ROBO2: variants seen among roughly 807,000 people sequenced by gnomAD.
ROBO2 encodes the protein roundabout homolog 2.
A neutral mutation model predicts 160.8 loss-of-function variants in ROBO2; 53 were observed. That is an observed-to-expected ratio of 0.33 (90% CI 0.26 to 0.41). The LOEUF (loss-of-function observed/expected upper bound fraction) is 0.41. ROBO2 is among the 10% of genes least tolerant of loss of function. The probability of loss-of-function intolerance (pLI) is 1.00; values close to 1 mark genes in which losing one functional copy is unlikely to be tolerated. For synonymous variants in ROBO2, 664 were observed against 611.7 expected, an observed-to-expected ratio of 1.09 and a Z score of -1.26; for missense variants, 1,577 against 1,722.4, an observed-to-expected ratio of 0.92 and a Z score of 1.49.
chr3:76,303,169 T>A (rs1242559524), intron 2 of ROBO2, among the ~76,000 whole-genome samples: 1 of 152,122 alleles, frequency 6.6e-6, no homozygotes, highest in Non-Finnish European at 1.5e-5. Flanking sequence ...TTTCAAGGCT[T>A]ATTCTCTATC....
At chr3:76,683,601 C>G (rs899437478) in intron 2 of ROBO2, among the ~76,000 whole-genome samples, 1 of 151,928 alleles carries the variant, frequency 6.6e-6, no homozygotes, top group Admixed American at 6.6e-5. Flanking sequence ...TACGTTACAT[C>G]TTCTATAATC....
chr3:76,791,676 C>A (rs992739635), intron 2 of ROBO2, among the ~76,000 whole-genome samples: 3 of 151,710 alleles, frequency 2.0e-5, no homozygotes, highest in Non-Finnish European at 4.4e-5. Flanking sequence ...AACCAACCAA[C>A]TAAGCTGCTC....
intron 2 of ROBO2, among the ~76,000 whole-genome samples, chr3:76,303,316 T>C (rs1021482353): frequency 2.0e-5 from 3 of 152,102 alleles, no homozygotes; most frequent in Non-Finnish European, 4.4e-5. Flanking sequence ...AAAAATATAT[T>C]CATTTTAAAA....
intron 2 of ROBO2, among the ~76,000 whole-genome samples, chr3:76,581,138 A>G (rs142767733): frequency 6.6e-6 from 1 of 152,334 alleles, no homozygotes; most frequent in East Asian, 1.9e-4. Context: ...AATTTACAAT[A>G]TAATATAAAT....
At chr3:77,515,138 G>A (rs1045769799) in intron 5 of ROBO2, among the ~76,000 whole-genome samples, 27 of 151,668 alleles carry the variant, frequency 1.8e-4, no homozygotes, top group African/African-American at 6.0e-4. Context: ...TTGCAGATAG[G>A]AGTTAATCTG....
rs550300339 is a variant in ROBO2, at chr3:76,588,938, A to C, written c.110-509076A>C. On this transcript the variant is annotated intron_variant, in intron 2 of 26. Coordinates refer to the ROBO2 transcript ENST00000487694. ...CTGACAGATGTTGGAGTTTCAAGCTATCTGAGCACAGTTTCTAATACTTAG... is the reference window on the plus strand; with the variant it reads ...CTGACAGATGTTGGAGTTTCAAGCTCTCTGAGCACAGTTTCTAATACTTAG... Among the ~76,000 whole-genome samples the C allele has an allele frequency of 9.2e-5, 14 of 152,342 alleles. No homozygotes were observed. In the South Asian group the frequency reaches 2.5e-3, roughly 27 times the overall value.
At chr3:76,557,769 T>A (rs1051339937) in intron 2 of ROBO2, among the ~76,000 whole-genome samples, 1 of 151,852 alleles carries the variant, frequency 6.6e-6, no homozygotes, top group African/African-American at 2.4e-5. Flanking sequence ...TAGAACTCAG[T>A]TCCCCTTCCG....
chr3:77,187,824 T>G (rs2081416919), intron 2 of ROBO2, among the ~76,000 whole-genome samples: 1 of 151,950 alleles, frequency 6.6e-6, no homozygotes, highest in Non-Finnish European at 1.5e-5. Flanking sequence ...ATATTTGTAT[T>G]TTCTTTCATC....
At chr3:76,230,906 A>G (rs1559666161) in intron 2 of ROBO2, among the ~76,000 whole-genome samples, 1 of 152,208 alleles carries the variant, frequency 6.6e-6, no homozygotes, top group Non-Finnish European at 1.5e-5. Flanking sequence ...TTGTATATCA[A>G]TAGAACACTT....
At chr3:76,628,004 C>T (rs2109387138) in intron 2 of ROBO2, among the ~76,000 whole-genome samples, 1 of 151,526 alleles carries the variant, frequency 6.6e-6, no homozygotes, top group African/African-American at 2.4e-5. Context: ...TATATTATAA[C>T]AAGAGTAGTT....
intron 2 of ROBO2, among the ~76,000 whole-genome samples, chr3:76,116,903 C>T (rs2070495792): frequency 6.6e-6 from 1 of 152,088 alleles, no homozygotes; most frequent in Non-Finnish European, 1.5e-5. Context: ...AAATGTTTTC[C>T]ATCAAGACAT....
intron 2 of ROBO2, among the ~76,000 whole-genome samples, chr3:76,595,083 C>A (rs1452694299): frequency 1.3e-5 from 2 of 151,864 alleles, no homozygotes; most frequent in African/African-American, 4.8e-5. Flanking sequence ...AGCCCTTTTG[C>A]AAACCAGAAA....
intron 2 of ROBO2, among the ~76,000 whole-genome samples, chr3:76,484,230 C>T (rs1450068537): frequency 1.3e-5 from 2 of 152,116 alleles, no homozygotes; most frequent in African/African-American, 4.8e-5. Flanking sequence ...AAATAATGAT[C>T]CACTGGCCTT....
chr3:76,952,588 C>G (rs1457456511), intron 2 of ROBO2, among the ~76,000 whole-genome samples: 3 of 151,874 alleles, frequency 2.0e-5, no homozygotes, highest in Non-Finnish European at 4.4e-5. Context: ...AGCCTGTAAG[C>G]TATTTTTATA....
chr3:76,512,898 G>A, intron 2 of ROBO2, among the ~76,000 whole-genome samples: 1 of 152,240 alleles, frequency 6.6e-6, no homozygotes, highest in South Asian at 2.1e-4. Context: ...ACCCGTATGT[G>A]CTAACCTCAT....
rs191274279 is a variant in ROBO2, at chr3:77,555,626, C to T, written c.1232-2318C>T. 2.3e-3 allele frequency among the ~76,000 whole-genome samples: 350 copies of T among 152,044 alleles called. 1 individual carries two copies. The highest frequency in any genetic ancestry group is 7.8e-3 in the African/African-American group (324 of 41,526). On this transcript the variant is annotated intron_variant, in intron 8 of 25. Transcript: ENST00000461745. The stretch of plus-strand genomic sequence containing the variant: ...CAGAGAATTAGGAAATTGTAATCAG[C>T]ATTCTGTGAATAGAGCCAATAGAAG...
At chr3:77,575,205 T>C (rs962090863) in intron 14 of ROBO2, among the ~76,000 whole-genome samples, 2 of 152,124 alleles carry the variant, frequency 1.3e-5, no homozygotes, top group Non-Finnish European at 2.9e-5. Flanking sequence ...GTAGCTTTCT[T>C]CTTAGTGAAG....
chr3:76,072,474 G>A (rs1049952792), intron 2 of ROBO2, among the ~76,000 whole-genome samples: 1 of 151,932 alleles, frequency 6.6e-6, no homozygotes, highest in African/African-American at 2.4e-5. Flanking sequence ...GCATTTACCA[G>A]TTTATCCAAT....
chr3:76,493,677 A>G (rs914175661), intron 2 of ROBO2, among the ~76,000 whole-genome samples: 3 of 151,852 alleles, frequency 2.0e-5, no homozygotes, highest in Non-Finnish European at 4.4e-5. Flanking sequence ...TCCATTTACT[A>G]TCGATTTCCG....
Sources: gnomAD v4.1 joint callset for allele counts (sites outside exome capture counted in the v4.1 genomes callset) on GRCh38, gnomAD v4.1.1 for gene constraint, MANE v1.5 for transcripts, NCBI Gene and HGNC (gene_info 2026-07-23, HGNC 2026-07-21) for gene names.